Variants in THADA observed in about 807,000 individuals in gnomAD.
THADA encodes THADA armadillo repeat containing, also known as tRNA (32-2'-O)-methyltransferase regulator THADA.
THADA carries 213 observed loss-of-function variants against 219.8 expected under a neutral mutation model. The ratio of observed to expected loss-of-function variants is 0.97; its 90% CI spans 0.87 to 1.09. The LOEUF (loss-of-function observed/expected upper bound fraction) is 1.09, where lower values mean the gene tolerates loss of function less well. Ranked by LOEUF, THADA falls within the 50% of genes least tolerant of loss-of-function variation. The pLI, the probability that THADA is intolerant of heterozygous loss-of-function variation, is 0.00. For missense variants in THADA, 2,956 were observed against 2,311.3 expected, an observed-to-expected ratio of 1.28 and a Z score of -5.72; for synonymous variants, 1,018 against 828.9, an observed-to-expected ratio of 1.23 and a Z score of -3.92.
chr2:43,504,074 A>T (rs1017532521), intron 24 of THADA, among the ~76,000 whole-genome samples: 6 of 152,268 alleles, frequency 3.9e-5, no homozygotes, highest in Admixed American at 3.3e-4. Flanking sequence ...AAAATAATAA[A>T]AAAAAAAACT....
intron 31 of THADA, among the ~76,000 whole-genome samples, chr2:43,319,904 C>T (rs1381264872): frequency 6.6e-6 from 1 of 152,098 alleles, no homozygotes; most frequent in Non-Finnish European, 1.5e-5. Context: ...AAAGAAAAAC[C>T]ACTTTGCAAA....
At position 43,570,439 on chromosome 2, in the gene THADA, T is replaced by C. The variant is rs1699166227; in HGVS notation, c.2136A>G (p.Pro712=). The change falls in exon 14 of 38, where the codon CCA becomes CCG. Residue 712 remains proline (P), a synonymous_variant. Coordinates refer to ENST00000405975, the MANE Select transcript of THADA (RefSeq NM_022065.5). ...GGTGCTGTTTGGTTAACTCATTCTC[T>C]GGTTCACGTTTGGATTTACTCTGCT... The part of the protein sequence containing the change: ...KLEQSKSKRE[P]ENELTKQHPS... 5 of 1,613,604 alleles carry C rather than the reference T, an allele frequency of 3.1e-6. 1 individual carries two copies. Among genetic ancestry groups the C allele is most frequent in the East Asian group, 4.5e-5 (2 of 44,840 alleles).
chr2:43,580,050 G>C (rs112546302), intron 8 of THADA, among the ~76,000 whole-genome samples: 33 of 132,178 alleles, frequency 2.5e-4, no homozygotes, highest in African/African-American at 9.1e-4. Flanking sequence ...TTTTGAGACG[G>C]AGGCTTGCTC....
intron 29 of THADA, among the ~76,000 whole-genome samples, chr2:43,365,638 T>C (rs767863348): frequency 3.3e-5 from 5 of 150,414 alleles, no homozygotes; most frequent in Non-Finnish European, 7.4e-5. Flanking sequence ...GCAAATGCAG[T>C]TGTCCAAGCA....
chr2:43,362,547 T>A (rs777318587), intron 29 of THADA, among the ~76,000 whole-genome samples: 26 of 152,178 alleles, frequency 1.7e-4, no homozygotes, highest in Non-Finnish European at 3.2e-4. Flanking sequence ...AGAGCACTCA[T>A]CATGAGTGGA....
intron 36 of THADA, among the ~76,000 whole-genome samples, chr2:43,269,712 C>T (rs1671918619): frequency 1.3e-5 from 2 of 152,220 alleles, no homozygotes; most frequent in East Asian, 1.9e-4. Context: ...CTGGCTCCCA[C>T]ATAACTATCT....
At chr2:43,549,017 C>A (rs374325789) in intron 20 of THADA, among the ~76,000 whole-genome samples, 193 bp downstream of exon 20, 1 of 152,172 alleles carries the variant, frequency 6.6e-6, no homozygotes, top group African/African-American at 2.4e-5. Flanking sequence ...CTTGGCTCCA[C>A]CCCCCTGGTA....
intron 13 of THADA, 70 bp downstream of exon 13, chr2:43,571,637 G>A (rs1558995116): frequency 6.6e-7 from 1 of 1,507,580 alleles, no homozygotes; most frequent in Non-Finnish European, 9.0e-7. Context: ...CCAAAATCTG[G>A]GCTCTTTTTA....
intron 36 of THADA, among the ~76,000 whole-genome samples, chr2:43,256,753 A>AT (rs1307304910): frequency 3.3e-5 from 5 of 150,480 alleles, no homozygotes; most frequent in South Asian, 2.1e-4. Context: ...TAATTTTCTT[A>AT]TTTTTTGTAC....
At chr2:43,461,031 T>C (rs568320202) in intron 26 of THADA, among the ~76,000 whole-genome samples, 1 of 152,308 alleles carries the variant, frequency 6.6e-6, no homozygotes, top group South Asian at 2.1e-4. Context: ...GTATAAGGTT[T>C]GCTGGGGACA....
intron 29 of THADA, 146 bp downstream of exon 29, chr2:43,397,825 C>A (rs893784010): frequency 1.9e-5 from 13 of 700,570 alleles, no homozygotes; most frequent in Non-Finnish European, 3.1e-5. Flanking sequence ...CTAGGAGATA[C>A]CTGATCTTTC....
intron 26 of THADA, among the ~76,000 whole-genome samples, chr2:43,450,852 A>G (rs1682224585): frequency 6.6e-6 from 1 of 152,248 alleles, no homozygotes; most frequent in Non-Finnish European, 1.5e-5. Context: ...GTCACAAAAG[A>G]CAAACACTGT....
chr2:43,332,325 C>A (rs1268700658), intron 30 of THADA, among the ~76,000 whole-genome samples: 7 of 152,186 alleles, frequency 4.6e-5, no homozygotes, highest in Admixed American at 4.6e-4. Flanking sequence ...TCCTTGACAC[C>A]CCTACCCTGA....
chr2:43,486,297 A>G (rs1347037408), intron 25 of THADA: 1 of 152,220 alleles, frequency 6.6e-6, no homozygotes, highest in Non-Finnish European at 1.5e-5. Context: ...CTCCAAGATG[A>G]TAATAATCTT....
chr2:43,595,206 C>G (rs576854280), intron 1 of THADA, among the ~76,000 whole-genome samples: 1 of 152,322 alleles, frequency 6.6e-6, no homozygotes, highest in East Asian at 1.9e-4. Flanking sequence ...CATTCTACAT[C>G]TAAGTGACAT....
chr2:43,282,088 C>G (rs1413146273), intron 35 of THADA, among the ~76,000 whole-genome samples: 1 of 152,190 alleles, frequency 6.6e-6, no homozygotes, highest in East Asian at 1.9e-4. Flanking sequence ...CTTGTAGGCA[C>G]AGGACCAAAT....
chr2:43,371,763 T>G (rs1269068140), intron 29 of THADA, among the ~76,000 whole-genome samples: 1 of 152,188 alleles, frequency 6.6e-6, no homozygotes. Context: ...CTGAATTACT[T>G]TGGTCTGTTT....
chr2:43,321,134 A>C (rs545000105), intron 30 of THADA, among the ~76,000 whole-genome samples: 2 of 152,348 alleles, frequency 1.3e-5, no homozygotes, highest in South Asian at 4.1e-4. Flanking sequence ...TAGAAATAGT[A>C]AGTGGGCTCA....
chr2:43,510,326 C>T (rs10180005), intron 22 of THADA, among the ~76,000 whole-genome samples: 3 of 151,894 alleles, frequency 2.0e-5, no homozygotes, highest in Non-Finnish European at 4.4e-5. Flanking sequence ...GGGTAAAGGT[C>T]GCTTATTATT....
Sources: gnomAD v4.1 joint callset for allele counts (sites outside exome capture counted in the v4.1 genomes callset) on GRCh38, gnomAD v4.1.1 for gene constraint, MANE v1.5 for transcripts, NCBI Gene and HGNC (gene_info 2026-07-23, HGNC 2026-07-21) for gene names.